DLGAP1: variants seen among roughly 807,000 people sequenced by gnomAD.
DLGAP1 encodes disks large-associated protein 1.
A neutral mutation model predicts 90.8 loss-of-function variants in DLGAP1; 11 were observed. The observed-to-expected ratio is 0.12, with a 90% CI of 0.08 to 0.20. The LOEUF is 0.20. DLGAP1 is among the 10% of genes least tolerant of loss of function. The pLI is 1.00. For missense variants in DLGAP1, 1,050 were observed against 1,333.8 expected (o/e 0.79, Z 3.31); for synonymous variants, 558 against 540.7 (o/e 1.03, Z -0.44).
chr18:4,453,053 T>TTGC (rs2083873894), intron 1 of DLGAP1, among the ~76,000 whole-genome samples: 1 of 152,180 alleles, frequency 6.6e-6, no homozygotes, highest in Non-Finnish European at 1.5e-5. Flanking sequence ...TCACACAAGG[T>TTGC]AACTAACATT....
In DLGAP1 at chr18:3,889,054, G is replaced by A. The variant is rs1049269506; in HGVS notation, c.-72-8914C>T. Among the ~76,000 whole-genome samples, 4 of 151,944 alleles carry A rather than the reference G, an allele frequency of 2.6e-5. No homozygotes were observed. In the East Asian group the frequency reaches 5.8e-4, roughly 22 times the overall value. ...AGCAGGGGGACAGCCTGTCTTATGCGGGTACAATTGATGGGGGTAGAATAT... is the reference window on the plus strand; with the variant it reads ...AGCAGGGGGACAGCCTGTCTTATGCAGGTACAATTGATGGGGGTAGAATAT... On this transcript the variant is annotated intron_variant, in intron 3 of 12. Transcript: ENST00000315677.
intron 1 of DLGAP1, among the ~76,000 whole-genome samples, chr18:4,175,635 T>C (rs1311751917): frequency 6.6e-6 from 1 of 152,220 alleles, no homozygotes; most frequent in Non-Finnish European, 1.5e-5. Flanking sequence ...TTTATGCATA[T>C]GACTTGCCAG....
chr18:3,674,296 A>AAAAAAATATATATATATATAT (rs755076240), intron 7 of DLGAP1, among the ~76,000 whole-genome samples: 34 of 128,984 alleles, frequency 2.6e-4, no homozygotes, highest in African/African-American at 1.1e-3. Flanking sequence ...ATAATATTAA[A>AAAAAAATATATATATATATAT]ATATATATAT....
At chr18:3,928,948 T>G (rs2072454483) in intron 3 of DLGAP1, among the ~76,000 whole-genome samples, 2 of 152,102 alleles carry the variant, frequency 1.3e-5, no homozygotes, top group Non-Finnish European at 2.9e-5. Context: ...TCCCCACCAG[T>G]GCTGTCTCGT....
intron 1 of DLGAP1, among the ~76,000 whole-genome samples, chr18:4,229,490 T>C (rs2078256952): frequency 6.6e-6 from 1 of 151,870 alleles, no homozygotes; most frequent in Non-Finnish European, 1.5e-5. Flanking sequence ...CATAGACCAA[T>C]GGAACAAAAT....
chr18:3,585,481 T>C (rs1199053204), intron 7 of DLGAP1, among the ~76,000 whole-genome samples: 1 of 152,254 alleles, frequency 6.6e-6, no homozygotes, highest in African/African-American at 2.4e-5. Context: ...GACATGTCTT[T>C]ACAACGTGAA....
chr18:3,879,044 C>G lies in DLGAP1; in HGVS notation c.957+68G>C, dbSNP rs558814442. The G allele has an allele frequency of 7.6e-6, 10 of 1,317,782 alleles. No homozygotes were observed. The South Asian group carries it at 1.4e-4, about 18-fold the overall frequency. The allele number at this position is 1,317,782 out of a possible 1,614,324, so 81.6% of individuals were successfully genotyped here. A position where few individuals can be genotyped will look rare whatever the true frequency, so the allele number is the denominator to read the frequency against. On this transcript the variant is annotated intron_variant, in intron 4 of 12. Transcript: ENST00000315677. The surrounding 1 kb of genome is among the most constrained non-coding windows in gnomAD (Gnocchi z 6.6). The stretch of plus-strand genomic sequence containing the variant: ...TTCAGAGTAGTGCCAAGACTAGAAC[C>G]AGGAGAAATGCCCACACAAGCATGC...
intron 1 of DLGAP1, among the ~76,000 whole-genome samples, chr18:4,434,836 A>G (rs996801976): frequency 5.3e-5 from 8 of 152,326 alleles, no homozygotes; most frequent in African/African-American, 1.9e-4. Context: ...AGGACATCCC[A>G]AGGAAAGGAA....
intron 1 of DLGAP1, among the ~76,000 whole-genome samples, chr18:4,191,976 C>T (rs1004994195): frequency 2.0e-5 from 3 of 152,142 alleles, no homozygotes; most frequent in African/African-American, 4.8e-5. Flanking sequence ...ACTAAACTAA[C>T]ACCAAGAGAA....
In DLGAP1 at chr18:3,580,267, C is replaced by T. The variant is rs1245347597; in HGVS notation, c.1965+1608G>A. 1.1e-5 allele frequency: 18 copies of T among 1,605,360 alleles called. No homozygotes were observed. The East Asian group carries it at 1.8e-4, about 16-fold the overall frequency. ...AAAGACCAGTCAGTGGAGTGGGGGA[C>T]GCTCCAGGCACCAGCAATGGCGCAA... On this transcript the variant is annotated intron_variant, in intron 8 of 12. Transcript: ENST00000315677.
intron 1 of DLGAP1, among the ~76,000 whole-genome samples, chr18:4,310,322 A>C (rs73942775): frequency 1.8e-4 from 27 of 152,128 alleles, no homozygotes; most frequent in Non-Finnish European, 3.4e-4. Context: ...GCATATGTGC[A>C]TATGCTCAAC....
chr18:3,664,183 T>TACACAC (rs35653599), intron 7 of DLGAP1, among the ~76,000 whole-genome samples: 458 of 135,728 alleles, frequency 3.4e-3, no homozygotes, highest in African/African-American at 9.2e-3. Context: ...TGGGTCAGTA[T>TACACAC]ACACACACAC....
chr18:4,082,510 CAAAAAAAA>C (rs59735494), intron 2 of DLGAP1, among the ~76,000 whole-genome samples: 1 of 52,090 alleles, frequency 1.9e-5, no homozygotes, highest in Non-Finnish European at 3.0e-5. Context: ...GACTTTGTCT[CAAAAAAAA>C]AAAAAAAAAA....
intron 1 of DLGAP1, among the ~76,000 whole-genome samples, chr18:4,163,605 A>G (rs767363844): frequency 2.6e-5 from 4 of 152,214 alleles, no homozygotes; most frequent in Non-Finnish European, 5.9e-5. Flanking sequence ...ATCACAATAA[A>G]ATGTCTGCTA....
chr18:3,571,429 G>C (rs1431228583), intron 8 of DLGAP1: 3 of 152,030 alleles, frequency 2.0e-5, no homozygotes, highest in Non-Finnish European at 4.4e-5. Flanking sequence ...GTGCACTACA[G>C]CCCAAGACTC....
At chr18:4,121,042 G>T (rs1444659938) in intron 2 of DLGAP1, among the ~76,000 whole-genome samples, 5 of 152,156 alleles carry the variant, frequency 3.3e-5, no homozygotes, top group South Asian at 2.1e-4. Context: ...GGTTATGGTG[G>T]CTGTTAGGCA....
At chr18:4,395,591 C>T (rs932403806) in intron 1 of DLGAP1, among the ~76,000 whole-genome samples, 5 of 151,906 alleles carry the variant, frequency 3.3e-5, no homozygotes, top group East Asian at 3.9e-4. Context: ...GGGGTGGAGA[C>T]GGGTGAAGGA....
intron 8 of DLGAP1, among the ~76,000 whole-genome samples, chr18:3,571,828 C>T (rs1166114784): frequency 6.6e-6 from 1 of 152,134 alleles, no homozygotes; most frequent in Non-Finnish European, 1.5e-5. Flanking sequence ...TCCCGGCCGC[C>T]TGGAGGTCTT....
At chr18:3,985,809 C>T (rs2073830240) in intron 3 of DLGAP1, among the ~76,000 whole-genome samples, 1 of 152,134 alleles carries the variant, frequency 6.6e-6, no homozygotes, top group Non-Finnish European at 1.5e-5. Flanking sequence ...GCTGCTTACT[C>T]ATTAGCCAAA....
Sources: allele counts gnomAD v4.1 joint callset (sites outside exome capture counted in the v4.1 genomes callset), GRCh38; gene constraint gnomAD v4.1.1; non-coding constraint Gnocchi (gnomAD v3.1); transcripts MANE v1.5; gene names NCBI Gene and HGNC (gene_info 2026-07-23, HGNC 2026-07-21).